The following JAKMIP2 variants were observed in gnomAD, a reference collection of about 807,000 sequenced individuals.
JAKMIP2 encodes the protein janus kinase and microtubule interacting protein 2, also known as janus kinase and microtubule-interacting protein 2.
Under a neutral mutation model 115.0 loss-of-function variants are expected in JAKMIP2, and 25 were observed. That is an observed-to-expected ratio of 0.22 (90% CI 0.16 to 0.30). The LOEUF is 0.30. Among genes scored for constraint, JAKMIP2 ranks in the 10% least tolerant of loss-of-function variants. JAKMIP2 has a pLI of 1.00. For synonymous variants in JAKMIP2, 334 were observed against 343.6 expected, an observed-to-expected ratio of 0.97 and a Z score of 0.31; for missense variants, 642 against 957.6, an observed-to-expected ratio of 0.67 and a Z score of 4.35.
chr5:147,672,187 C>T (rs1759641224), intron 1 of JAKMIP2, among the ~76,000 whole-genome samples: 1 of 152,108 alleles, frequency 6.6e-6, no homozygotes, highest in South Asian at 2.1e-4. Context: ...ATCCTTCATC[C>T]TTCACTCTTT....
chr5:147,658,195 G>A (rs989135312), intron 3 of JAKMIP2, among the ~76,000 whole-genome samples: 1 of 152,148 alleles, frequency 6.6e-6, no homozygotes, highest in Non-Finnish European at 1.5e-5. Flanking sequence ...AGGGTCTTTT[G>A]TTGATGTTGT....
intron 1 of JAKMIP2, among the ~76,000 whole-genome samples, chr5:147,683,006 T>C (rs887085657): frequency 2.0e-5 from 3 of 152,206 alleles, no homozygotes; most frequent in African/African-American, 7.2e-5. Flanking sequence ...TATTTTATTG[T>C]ATTTTTTCTC....
chr5:147,751,955 C>T (rs563826596), intron 1 of JAKMIP2, among the ~76,000 whole-genome samples: 3 of 152,152 alleles, frequency 2.0e-5, no homozygotes, highest in South Asian at 2.1e-4. Context: ...CAAAGTCTGC[C>T]GTCAGCTTAT....
At position 147,764,920 on chromosome 5, in the gene JAKMIP2, A is replaced by G. The variant is rs3097867; in HGVS notation, c.-149+17536T>C. Among the ~76,000 whole-genome samples the G allele has an allele frequency of 6.5e-3, 257 of 39,414 alleles. 1 individual carries two copies. Among genetic ancestry groups the G allele is most frequent in the South Asian group, 0.013 (13 of 1,038 alleles). 25.9% of individuals were successfully genotyped at this position (39,414 alleles called of 152,430 possible). A position where few individuals can be genotyped will look rare whatever the true frequency, so the allele number is the denominator to read the frequency against. On this transcript the variant is annotated intron_variant, in intron 1 of 21. Coordinates refer to ENST00000616793, the MANE Select transcript of JAKMIP2 (RefSeq NM_001270941.2). Reference sequence around the variant, plus strand: ...AAAGAAAGAAAGAAAGAAAGAAAGAAAGAGAGAGAGAGAGAGAGAGAGAGA... The same window carrying G: ...AAAGAAAGAAAGAAAGAAAGAAAGAGAGAGAGAGAGAGAGAGAGAGAGAGA...
At chr5:147,660,727 C>T (rs749865727) in intron 3 of JAKMIP2, 5 of 549,166 alleles carry the variant, frequency 9.1e-6, no homozygotes, top group Non-Finnish European at 1.6e-5. Context: ...AGGTGATTTC[C>T]AAAATCTCTT....
intron 1 of JAKMIP2, among the ~76,000 whole-genome samples, chr5:147,738,378 G>A (rs191717565): frequency 4.7e-4 from 72 of 152,252 alleles, no homozygotes; most frequent in African/African-American, 1.7e-3. Context: ...TGCTTGTGGC[G>A]TGGGGGAGAG....
chr5:147,595,500 C>T (rs1755327719), intron 21 of JAKMIP2: 3 of 455,642 alleles, frequency 6.6e-6, no homozygotes, highest in Admixed American at 4.7e-5. Context: ...AGACACCAAA[C>T]CTGCTGGTGC....
chr5:147,752,693 G>C (rs946901705), intron 1 of JAKMIP2, among the ~76,000 whole-genome samples: 1 of 152,080 alleles, frequency 6.6e-6, no homozygotes, highest in Non-Finnish European at 1.5e-5. Context: ...CCCATGGTGC[G>C]GGGTGGCACT....
intron 1 of JAKMIP2, among the ~76,000 whole-genome samples, chr5:147,751,594 T>G (rs1754564994): frequency 6.8e-6 from 1 of 146,004 alleles, no homozygotes; most frequent in Admixed American, 7.1e-5. Context: ...CCTCTAGACA[T>G]TAAGCAAGGG....
chr5:147,659,288 G>T (rs574219896), intron 3 of JAKMIP2, among the ~76,000 whole-genome samples: 1 of 152,160 alleles, frequency 6.6e-6, no homozygotes, highest in Non-Finnish European at 1.5e-5. Context: ...GGAGGAAGGA[G>T]GTCACCTGGC....
At chr5:147,771,215 T>G (rs1462374710) in intron 1 of JAKMIP2, among the ~76,000 whole-genome samples, 3 of 152,152 alleles carry the variant, frequency 2.0e-5, no homozygotes, top group Admixed American at 6.5e-5. Flanking sequence ...CAGACAGAAT[T>G]AAGGTCAGAA....
At position 147,665,831 on chromosome 5, in the gene JAKMIP2, A is replaced by G. The variant is rs531408660; in HGVS notation, c.130-4386T>C. Among the ~76,000 whole-genome samples the G allele has an allele frequency of 7.9e-5, 12 of 152,310 alleles. No homozygotes were observed. In the South Asian group the frequency reaches 2.5e-3, roughly 32 times the overall value. On this transcript the variant is annotated intron_variant, in intron 2 of 21. Coordinates refer to ENST00000616793, the MANE Select transcript of JAKMIP2 (RefSeq NM_001270941.2). ...CCTTGATCTAAAATTATTTATGTCA[A>G]ATTCTCTGGAGGTGCATCAAATTGT...
At chr5:147,736,237 C>A (rs569501206) in intron 1 of JAKMIP2, among the ~76,000 whole-genome samples, 2 of 152,038 alleles carry the variant, frequency 1.3e-5, no homozygotes, top group East Asian at 3.9e-4. Context: ...AGGTGGATCA[C>A]TTGAGATCAG....
chr5:147,619,603 T>A (rs1439925281), intron 18 of JAKMIP2, among the ~76,000 whole-genome samples: 1 of 152,210 alleles, frequency 6.6e-6, no homozygotes, highest in Non-Finnish European at 1.5e-5. Flanking sequence ...TGTGAATTAA[T>A]GGAGGGTGGA....
In JAKMIP2 at chr5:147,671,802, G is replaced by A. The variant is rs1177904216; in HGVS notation, c.5C>T (p.Ser2Phe). M[S>F]KKGRNKGEKP... ...CTCGCCCTTATTTCGCCCTTTCTTG[G>A]ACATTGTTCCTTTCTAAATGGAGTC... The change falls in exon 2 of 22, where the codon TCC (serine) becomes TTC (phenylalanine). Residue 2 changes from serine (S) to phenylalanine (F), a missense_variant. Transcript: ENST00000616793. 1 of 1,566,598 alleles carries A rather than the reference G, an allele frequency of 6.4e-7. No homozygotes were observed. Among genetic ancestry groups the A allele is most frequent in the Non-Finnish European group, 8.6e-7 (1 of 1,158,222 alleles).
intron 20 of JAKMIP2, chr5:147,612,055 A>G: frequency 3.1e-6 from 2 of 655,428 alleles, no homozygotes; most frequent in South Asian, 1.4e-5. Context: ...GGAAGGGGAA[A>G]CTAAGGAAAG....
chr5:147,742,155 A>ATATATATATATATATATTTT, intron 1 of JAKMIP2, among the ~76,000 whole-genome samples: 8 of 108,906 alleles, frequency 7.3e-5, no homozygotes, highest in African/African-American at 2.6e-4. Context: ...ATATATATAT[A>ATATATATATATATATATTTT]TTTTTTTTAC....
Position 147,631,475 on chromosome 5 carries a change from T to C in JAKMIP2, c.1813A>G (p.Ile605Val). 1 of 1,612,158 alleles carries C rather than the reference T, an allele frequency of 6.2e-7. No homozygotes were observed. ...ERRSPPFNLQ[I>V]HPFSDGVSAL... The stretch of plus-strand genomic sequence containing the variant: ...CTCACACCATCTGAGAATGGGTGAA[T>C]TTGGAGATTAAATGGAGGGGATCGT... Residue 605 changes from isoleucine (I) to valine (V), a missense_variant, in exon 14 of 22, where the codon ATT (isoleucine) becomes GTT (valine). Physicochemically the swap from Ile to Val is conservative, Grantham distance 29. Around this residue, in one of 6 missense-constraint regions of JAKMIP2, gnomAD observed 103 missense variants for 177.6 expected, o/e 0.58. Transcript: ENST00000616793.
At position 147,680,939 on chromosome 5, in the gene JAKMIP2, T is replaced by C. The variant is rs114400826; in HGVS notation, c.-148-8985A>G. Among the ~76,000 whole-genome samples the C allele has an allele frequency of 9.0e-3, 1,368 of 152,284 alleles. 24 individuals are homozygous for C. The highest frequency in any genetic ancestry group is 0.03 in the African/African-American group (1,258 of 41,552). On this transcript the variant is annotated intron_variant, in intron 1 of 21. Transcript: ENST00000616793. Reference sequence around the variant, plus strand: ...ATATTCACATTCAGCATAGTAGCAATTTTGCATCTTTTGGATTGTAAATTT... The same window carrying C: ...ATATTCACATTCAGCATAGTAGCAACTTTGCATCTTTTGGATTGTAAATTT...
Sources: allele counts gnomAD v4.1 joint callset (sites outside exome capture counted in the v4.1 genomes callset), GRCh38; gene constraint gnomAD v4.1.1; regional missense constraint gnomAD v4.1.1; transcripts MANE v1.5; gene names NCBI Gene and HGNC (gene_info 2026-07-23, HGNC 2026-07-21).